Variants in ARPP21 observed in about 807,000 individuals in gnomAD.
ARPP21 encodes the protein cAMP regulated phosphoprotein 21.
ARPP21 carries 69 observed loss-of-function variants against 113.2 expected under a neutral mutation model. The ratio of observed to expected loss-of-function variants is 0.61; its 90% CI spans 0.50 to 0.74. The LOEUF is 0.74. Among genes scored for constraint, ARPP21 ranks in the 30% least tolerant of loss-of-function variants. The pLI is 0.00. For synonymous variants in ARPP21, 368 were observed against 375.5 expected (o/e 0.98, Z 0.23); for missense variants, 1,070 against 1,037.4 (o/e 1.03, Z -0.43).
chr3:35,697,153 G>T (rs575224091), intron 9 of ARPP21, among the ~76,000 whole-genome samples: 5 of 151,556 alleles, frequency 3.3e-5, no homozygotes, highest in Non-Finnish European at 7.4e-5. Flanking sequence ...CATGTTAAAA[G>T]ATTGTCATCT....
At chr3:35,750,454 T>C (rs1407031025) in intron 19 of ARPP21, among the ~76,000 whole-genome samples, 1 of 152,162 alleles carries the variant, frequency 6.6e-6, no homozygotes, top group Non-Finnish European at 1.5e-5. Context: ...TCAGTTCTTA[T>C]AAAATTTTTG....
rs565447610 is a variant in ARPP21 at position 35,737,200 on chromosome 3, T to C, written c.1482T>C (p.Asp494=). ...PHTGQPFVNP[D]GTPAIYNPPT... ...CAGGCCAGCCCTTTGTGAATCCCGA[T>C]GGAACTCCTGCAATATACAACCCAC... The change falls in exon 16 of 21, where the codon GAT becomes GAC. Residue 494 remains aspartate, a synonymous_variant. Coordinates refer to ENST00000684406, the MANE Select transcript of ARPP21 (RefSeq NM_001385562.1). 1.2e-5 allele frequency: 20 copies of C among 1,609,782 alleles called. No individual in the cohort carries two copies. The Admixed American group carries it at 1.3e-4, about 11-fold the overall frequency.
At chr3:35,714,537 G>A (rs982435663) in intron 11 of ARPP21, among the ~76,000 whole-genome samples, 6 of 152,190 alleles carry the variant, frequency 3.9e-5, no homozygotes, top group Non-Finnish European at 8.8e-5. Flanking sequence ...ATAGCAGGAT[G>A]TGTATTTATT....
In ARPP21 at chr3:35,737,046, T is replaced by A. The variant is rs1309113790; in HGVS notation, c.1460-132T>A. 5.1e-6 allele frequency: 3 copies of A among 594,030 alleles called. No homozygotes were observed. The Admixed American group carries it at 8.6e-5, about 17-fold the overall frequency. 36.8% of individuals were successfully genotyped at this position (594,030 alleles called of 1,614,324 possible). A position where few individuals can be genotyped will look rare whatever the true frequency, so the allele number is the denominator to read the frequency against. The stretch of plus-strand genomic sequence containing the variant: ...AGTAAGGTCTTCACATTGGTGAAGG[T>A]TTTGGGGTCTTAGATTTCCACTGCC... On this transcript the variant is annotated intron_variant, in intron 15 of 20. Transcript: ENST00000684406.
intron 19 of ARPP21, among the ~76,000 whole-genome samples, chr3:35,789,335 C>T (rs1002476831): frequency 6.6e-6 from 1 of 152,192 alleles, no homozygotes; most frequent in Non-Finnish European, 1.5e-5. Context: ...AACTCAGATT[C>T]ACATCCAGAC....
rs1410561459 is a variant in ARPP21, at chr3:35,743,980, T to C, written c.2137+15T>C. The C allele has an allele frequency of 6.2e-7, 1 of 1,613,860 alleles. No individual in the cohort carries two copies. Among genetic ancestry groups the C allele is most frequent in the African/African-American group, 1.3e-5 (1 of 74,936 alleles). ...ACAGCAAGCAGGTACTTGGAATCTG[T>C]TTCCCATTTGCTTCTCAACCCAGTT... On this transcript the variant is annotated intron_variant, in intron 19 of 20. Transcript: ENST00000684406.
intron 9 of ARPP21, among the ~76,000 whole-genome samples, chr3:35,699,728 C>G (rs2085541612): frequency 6.6e-6 from 1 of 151,738 alleles, no homozygotes; most frequent in African/African-American, 2.4e-5. Context: ...GTAAACTACA[C>G]TAGTAAGTCT....
At chr3:35,640,778 G>C (rs898316045) in intron 1 of ARPP21, among the ~76,000 whole-genome samples, 5 of 152,158 alleles carry the variant, frequency 3.3e-5, no homozygotes, top group African/African-American at 1.2e-4. Context: ...GGGGTCCTAG[G>C]TCCCAAAGGG....
intron 19 of ARPP21, among the ~76,000 whole-genome samples, chr3:35,790,710 G>A (rs778487619): frequency 8.5e-5 from 13 of 152,168 alleles, no homozygotes; most frequent in Admixed American, 5.9e-4. Flanking sequence ...GACCTGCCAA[G>A]CATATTAAAG....
chr3:35,792,654 T>C, intron 20 of ARPP21, 124 bp downstream of exon 20: 2 of 768,098 alleles, frequency 2.6e-6, no homozygotes, highest in Non-Finnish European at 4.4e-6. Flanking sequence ...TAACTGTTGA[T>C]AATTTACTTT....
chr3:35,778,355 G>A (rs555457308), intron 19 of ARPP21, among the ~76,000 whole-genome samples: 9 of 152,220 alleles, frequency 5.9e-5, no homozygotes, highest in African/African-American at 2.2e-4. Context: ...TTTGCTAATG[G>A]AAGGCATCAG....
chr3:35,755,994 A>G (rs926611071), intron 19 of ARPP21, among the ~76,000 whole-genome samples: 2 of 152,100 alleles, frequency 1.3e-5, no homozygotes, highest in African/African-American at 4.8e-5. Context: ...CTCTTTCTTC[A>G]TTCTACTGTC....
chr3:35,774,215 G>A lies in ARPP21; in HGVS notation c.2138-18167G>A, dbSNP rs556442567. Among the ~76,000 whole-genome samples, 3 of 152,264 alleles carry A rather than the reference G, an allele frequency of 2.0e-5. No homozygotes were observed. In the East Asian group the frequency reaches 5.8e-4, roughly 29 times the overall value. ...GAGGATTGCTTGAGCCTAGAAGTTT[G>A]ATGCCAGCCTGCGCAACATAGCAAG... On this transcript the variant is annotated intron_variant, in intron 19 of 20. Transcript: ENST00000684406.
chr3:35,742,779 T>C (rs1370130143), intron 18 of ARPP21, among the ~76,000 whole-genome samples: 4 of 152,222 alleles, frequency 2.6e-5, no homozygotes, highest in African/African-American at 9.6e-5. Flanking sequence ...ACTTGTAATT[T>C]TATCCTATGT....
chr3:35,669,610 A>T (rs1323400449), intron 1 of ARPP21, among the ~76,000 whole-genome samples: 4 of 152,156 alleles, frequency 2.6e-5, no homozygotes, highest in Non-Finnish European at 5.9e-5. Flanking sequence ...TCCATTTGTC[A>T]TAGGAATGCC....
intron 11 of ARPP21, among the ~76,000 whole-genome samples, chr3:35,709,939 CAGCCCAGAGAAGT>C (rs1278468136): frequency 1.3e-5 from 2 of 152,178 alleles, no homozygotes; most frequent in Non-Finnish European, 2.9e-5. Context: ...AACACAAAGC[CAGCCCAGAGAAGT>C]AGGCTTCAGT....
intron 1 of ARPP21, among the ~76,000 whole-genome samples, chr3:35,664,569 C>A (rs1168809079): frequency 1.3e-5 from 2 of 152,132 alleles, no homozygotes; most frequent in Non-Finnish European, 2.9e-5. Context: ...TTAAGCTATG[C>A]CTCTATCCTC....
At chr3:35,728,819 A>T (rs886191118) in intron 14 of ARPP21, among the ~76,000 whole-genome samples, 4 of 152,192 alleles carry the variant, frequency 2.6e-5, no homozygotes, top group Non-Finnish European at 5.9e-5. Flanking sequence ...TCAGCTGTAT[A>T]GGTGTCGGAG....
chr3:35,734,107 G>T (rs191565884), intron 15 of ARPP21, among the ~76,000 whole-genome samples: 1 of 152,128 alleles, frequency 6.6e-6, no homozygotes, highest in Non-Finnish European at 1.5e-5. Context: ...ATGTGTGTGT[G>T]GCTGTGTGTG....
Sources: allele counts gnomAD v4.1 joint callset (sites outside exome capture counted in the v4.1 genomes callset), GRCh38; gene constraint gnomAD v4.1.1; transcripts MANE v1.5; gene names NCBI Gene and HGNC (gene_info 2026-07-23, HGNC 2026-07-21).